Variants in NELL1 observed in about 807,000 individuals in gnomAD.
The protein encoded by NELL1 is protein kinase C-binding protein NELL1.
NELL1 carries 76 observed loss-of-function variants against 107.4 expected under a neutral mutation model. The ratio of observed to expected loss-of-function variants is 0.71; its 90% CI spans 0.59 to 0.86. NELL1 has a LOEUF of 0.86. NELL1 is among the 40% of genes least tolerant of loss of function. NELL1 has a pLI of 0.00. For synonymous variants in NELL1, 353 were observed against 341.2 expected (o/e 1.03, Z -0.38); for missense variants, 1,024 against 1,005.5 (o/e 1.02, Z -0.25).
chr11:21,432,517 A>G lies in NELL1; in HGVS notation c.1645+61569A>G, dbSNP rs561546444. 2.6e-4 allele frequency among the ~76,000 whole-genome samples: 39 copies of G among 152,274 alleles called. No individual in the cohort carries two copies. The South Asian group carries it at 8.1e-3, about 32-fold the overall frequency. On this transcript the variant is annotated intron_variant, in intron 15 of 19. Transcript: ENST00000357134. ...GACCCCAGGATACACTTACAGTCAA[A>G]TAAAGTTGAGTTTATTACTTCCTGC...
chr11:21,158,016 C>T (rs1361763430), intron 13 of NELL1, among the ~76,000 whole-genome samples: 1 of 152,058 alleles, frequency 6.6e-6, no homozygotes, highest in African/African-American at 2.4e-5. Context: ...TCTGGGTGGG[C>T]ACCATCTAAT....
At chr11:20,682,481 T>C (rs1854212825) in intron 2 of NELL1, among the ~76,000 whole-genome samples, 1 of 152,026 alleles carries the variant, frequency 6.6e-6, no homozygotes, top group African/African-American at 2.4e-5. Flanking sequence ...TTTGTAGTAA[T>C]TGATATGTAT....
chr11:21,496,381 A>C (rs1352574874), intron 15 of NELL1, among the ~76,000 whole-genome samples: 1 of 146,860 alleles, frequency 6.8e-6, no homozygotes, highest in African/African-American at 2.5e-5. Flanking sequence ...AATAGGTACA[A>C]TTTAAACATA....
Position 20,847,673 on chromosome 11 carries a change from C to T in NELL1, c.426C>T (p.Tyr142=). ...NGKPRTEALP[Y]RMADGQWHKV... is the part of the protein sequence containing the mutation. ...AGCCAAGGACAGAGGCACTTCCTTA[C>T]CGCATGGCAGATGGACAATGGCACA... Residue 142 remains tyrosine (Y), a synonymous_variant, in exon 4 of 20, where the codon TAC becomes TAT. Coordinates refer to ENST00000357134, the MANE Select transcript of NELL1 (RefSeq NM_006157.5). The T allele has an allele frequency of 6.2e-7, 1 of 1,613,814 alleles. No individual in the cohort carries two copies. The highest frequency in any genetic ancestry group is 8.5e-7 in the Non-Finnish European group (1 of 1,179,842).
At chr11:20,788,802 G>C (rs78451528) in intron 3 of NELL1, among the ~76,000 whole-genome samples, 2,284 of 150,830 alleles carry the variant, frequency 0.015, 75 homozygotes, top group African/African-American at 0.053. Flanking sequence ...AGTTTTATAG[G>C]TTTAGCTCTT....
intron 14 of NELL1, among the ~76,000 whole-genome samples, chr11:21,230,126 T>A (rs7109394): frequency 0.47 from 71,863 of 151,992 alleles, 17,317 homozygotes; most frequent in Middle Eastern, 0.5. Context: ...ATCACAGAAA[T>A]GTTCTTTGAC....
intron 3 of NELL1, among the ~76,000 whole-genome samples, chr11:20,812,877 G>A (rs1256953825): frequency 2.0e-5 from 3 of 150,600 alleles, no homozygotes; most frequent in African/African-American, 4.9e-5. Flanking sequence ...GCGAGGTGGC[G>A]GGCGCCTGTA....
At chr11:20,681,826 AATTGCCAC>A (rs1854196640) in intron 2 of NELL1, among the ~76,000 whole-genome samples, 1 of 152,040 alleles carries the variant, frequency 6.6e-6, no homozygotes, top group African/African-American at 2.4e-5. Context: ...AGCTTCCAGA[AATTGCCAC>A]ATTCCTTGGC....
At chr11:21,548,375 T>C (rs7110128) in intron 16 of NELL1, among the ~76,000 whole-genome samples, 12,377 of 151,966 alleles carry the variant, frequency 0.081, 568 homozygotes, top group Non-Finnish European at 0.095. Flanking sequence ...TACCCAAGAC[T>C]GGGGCAATTC....
At chr11:20,874,078 T>A (rs1165431095) in intron 4 of NELL1, among the ~76,000 whole-genome samples, 1 of 152,108 alleles carries the variant, frequency 6.6e-6, no homozygotes, top group Admixed American at 6.5e-5. Flanking sequence ...GTTTAGACTT[T>A]TTTTTTGAGA....
chr11:20,923,185 A>G (rs1053788061), intron 7 of NELL1, among the ~76,000 whole-genome samples: 6 of 152,132 alleles, frequency 3.9e-5, no homozygotes, highest in African/African-American at 1.2e-4. Context: ...TGTATAAGCT[A>G]GAGAGGAATT....
chr11:20,933,158 G>A (rs998105654), intron 9 of NELL1, among the ~76,000 whole-genome samples: 4 of 152,252 alleles, frequency 2.6e-5, no homozygotes, highest in African/African-American at 9.6e-5. Context: ...TGGAGGTGGT[G>A]GGGGATATGG....
intron 13 of NELL1, among the ~76,000 whole-genome samples, chr11:21,208,161 A>G (rs1276451916): frequency 6.6e-6 from 1 of 151,954 alleles, no homozygotes; most frequent in Non-Finnish European, 1.5e-5. Flanking sequence ...CATCTTACAT[A>G]TTTGTTACTT....
At chr11:21,169,070 C>T (rs1410105279) in intron 13 of NELL1, among the ~76,000 whole-genome samples, 3 of 151,806 alleles carry the variant, frequency 2.0e-5, no homozygotes, top group African/African-American at 4.9e-5. Flanking sequence ...CCCGGGATTG[C>T]CTGAAGGATA....
At chr11:21,409,157 A>T (rs1852307081) in intron 15 of NELL1, among the ~76,000 whole-genome samples, 1 of 152,142 alleles carries the variant, frequency 6.6e-6, no homozygotes, top group Non-Finnish European at 1.5e-5. Flanking sequence ...CACTATTATC[A>T]ATAGCAAAGA....
chr11:21,319,630 C>G (rs1315016518), intron 14 of NELL1, among the ~76,000 whole-genome samples: 1 of 151,556 alleles, frequency 6.6e-6, no homozygotes, highest in Non-Finnish European at 1.5e-5. Context: ...GCGTGTGTCA[C>G]CGCGCCCAGC....
intron 14 of NELL1, among the ~76,000 whole-genome samples, chr11:21,233,618 T>C (rs1162837426): frequency 1.3e-5 from 2 of 152,252 alleles, no homozygotes; most frequent in Non-Finnish European, 2.9e-5. Context: ...TATGTTTTGC[T>C]TAATAGTTTG....
chr11:21,294,604 G>A (rs928666319), intron 14 of NELL1, among the ~76,000 whole-genome samples: 20 of 151,938 alleles, frequency 1.3e-4, no homozygotes, highest in African/African-American at 2.9e-4. Context: ...ATTTATTTTC[G>A]TATCGACCTA....
At chr11:20,851,969 T>A (rs1848802464) in intron 4 of NELL1, among the ~76,000 whole-genome samples, 1 of 152,158 alleles carries the variant, frequency 6.6e-6, no homozygotes, top group South Asian at 2.1e-4. Flanking sequence ...ACTCCCAGCA[T>A]CTTGGTCCTG....
Sources: gnomAD v4.1 joint callset for allele counts (sites outside exome capture counted in the v4.1 genomes callset) on GRCh38, gnomAD v4.1.1 for gene constraint, MANE v1.5 for transcripts, NCBI Gene and HGNC (gene_info 2026-07-23, HGNC 2026-07-21) for gene names.